FGF13: variants seen among roughly 807,000 people sequenced by gnomAD.
The protein encoded by FGF13 is fibroblast growth factor homologous factor 2.
In FGF13, 2 loss-of-function variants were observed where a neutral mutation model predicts 19.5. The ratio of observed to expected loss-of-function variants is 0.10; its 90% CI spans 0.04 to 0.32. The LOEUF (loss-of-function observed/expected upper bound fraction) is 0.32, where lower values mean the gene tolerates loss of function less well. Ranked by LOEUF, FGF13 falls within the 10% of genes least tolerant of loss-of-function variation. FGF13 has a pLI of 1.00. For missense variants in FGF13, 113 were observed against 192.7 expected (o/e 0.59, Z 2.45); for synonymous variants, 72 against 76.9 (o/e 0.94, Z 0.33).
intron 1 of FGF13, among the ~76,000 whole-genome samples, chrX:138,949,406 C>T (rs1193264042): frequency 9.0e-6 from 1 of 111,511 alleles, no homozygotes; most frequent in Admixed American, 9.6e-5. Flanking sequence ...CTTGTTGCTG[C>T]ATCACTTCAA....
intron 2 of FGF13, among the ~76,000 whole-genome samples, chrX:138,703,718 T>G (rs1046288904): frequency 8.9e-6 from 1 of 111,879 alleles, no homozygotes; most frequent in Non-Finnish European, 1.9e-5. Context: ...TAGTATTTCC[T>G]TTTTTCATTT....
chrX:138,764,830 T>G (rs1027450900), intron 3 of FGF13, among the ~76,000 whole-genome samples: 1 of 112,194 alleles, frequency 8.9e-6, no homozygotes, highest in African/African-American at 3.2e-5. Context: ...TTTAGACTTT[T>G]GTAAGGATCC....
At chrX:138,789,054 C>A in intron 3 of FGF13, among the ~76,000 whole-genome samples, 1 of 112,112 alleles carries the variant, frequency 8.9e-6, no homozygotes. Context: ...TAAAAAGGAT[C>A]ATCTTTTCTT....
At chrX:138,960,592 C>T (rs1022419611) in intron 1 of FGF13, among the ~76,000 whole-genome samples, 20 of 111,999 alleles carry the variant, frequency 1.8e-4, no homozygotes, top group Non-Finnish European at 2.8e-4. Context: ...TGGATAATAT[C>T]CTGAAGAGTG....
chrX:138,893,053 C>G (rs923306042), intron 1 of FGF13, among the ~76,000 whole-genome samples: 8 of 110,563 alleles, frequency 7.2e-5, no homozygotes, highest in Non-Finnish European at 5.7e-5. Context: ...AGGTAGCTAC[C>G]GAGGCAGCTC....
chrX:138,848,314 A>T (rs991241699), intron 3 of FGF13, among the ~76,000 whole-genome samples: 3 of 111,216 alleles, frequency 2.7e-5, no homozygotes, highest in Non-Finnish European at 5.7e-5. Context: ...CCTTTTGAAG[A>T]GGCCCATGCA....
At chrX:138,866,493 T>C (rs761288518) in intron 1 of FGF13, among the ~76,000 whole-genome samples, 1 of 112,024 alleles carries the variant, frequency 8.9e-6, no homozygotes, top group African/African-American at 3.2e-5. Context: ...TTCAAAAACC[T>C]TGGGCGATGT....
rs754211031 is a variant in FGF13, at chrX:138,769,049, G to A, written c.218-60121C>T. Among the ~76,000 whole-genome samples, 13 of 110,761 alleles carry A rather than the reference G, an allele frequency of 1.2e-4. No homozygotes were observed. The East Asian group carries it at 3.7e-3, about 31-fold the overall frequency. ...ATGAATCAGGGTTTAACATGATTCG[G>A]TTGACTGTTCTAATAACACTGTAAC... On this transcript the variant is annotated intron_variant, in intron 3 of 6. Coordinates refer to the FGF13 transcript ENST00000436198.
chrX:138,850,830 TC>T (rs1204864215), intron 3 of FGF13, among the ~76,000 whole-genome samples: 21 of 111,984 alleles, frequency 1.9e-4, no homozygotes, highest in African/African-American at 6.2e-4. Flanking sequence ...TATCAAACCA[TC>T]ACCGAAATAT....
At chrX:138,964,444 G>A (rs1201856787) in intron 1 of FGF13, among the ~76,000 whole-genome samples, 1 of 111,659 alleles carries the variant, frequency 9.0e-6, no homozygotes. Flanking sequence ...AATATCCAGA[G>A]GGGGTGATCA....
At chrX:138,762,603 GGTATTGA>G (rs2090475652) in intron 3 of FGF13, among the ~76,000 whole-genome samples, 1 of 111,386 alleles carries the variant, frequency 9.0e-6, no homozygotes, top group Non-Finnish European at 1.9e-5. Context: ...TTAAGATCTT[GGTATTGA>G]CAGTCAAATT....
intron 1 of FGF13, among the ~76,000 whole-genome samples, chrX:138,948,874 A>C (rs1475873784): frequency 8.9e-6 from 1 of 111,912 alleles, no homozygotes; most frequent in Non-Finnish European, 1.9e-5. Context: ...TCTGAACTGG[A>C]AAAAAACAGA....
At chrX:138,810,175 G>A (rs1251688708) in intron 3 of FGF13, among the ~76,000 whole-genome samples, 2 of 111,762 alleles carry the variant, frequency 1.8e-5, no homozygotes, top group African/African-American at 6.5e-5. Flanking sequence ...GAGGCATCAT[G>A]CTACCTGACT....
intron 1 of FGF13, among the ~76,000 whole-genome samples, chrX:139,147,737 G>A (rs1341073812): frequency 9.0e-6 from 1 of 110,785 alleles, no homozygotes; most frequent in Admixed American, 9.7e-5. Context: ...GGCCTGGTAT[G>A]TCTCCGTGCG....
At chrX:138,677,200 G>A (rs1353251334) in intron 3 of FGF13, among the ~76,000 whole-genome samples, 2 of 111,612 alleles carry the variant, frequency 1.8e-5, no homozygotes, top group African/African-American at 3.3e-5. Context: ...AGAAATAAAC[G>A]TTAGACCTAA....
rs1468998824 is a variant in FGF13, at chrX:138,618,976, T to C, written c.*13874A>G. On this transcript the variant is annotated 3_prime_UTR_variant, in exon 5 of 5. Transcript: ENST00000315930. ...GTCAGTATAGGCTGAAGGAGGAGAC[T>C]ACTTCTTCAAATGTGAACATGGCAA... is the stretch of plus-strand genomic sequence containing the variant. The C allele has an allele frequency of 9.0e-6, 1 of 110,663 alleles. No individual in the cohort carries two copies. Among genetic ancestry groups the C allele is most frequent in the Admixed American group, 9.7e-5 (1 of 10,328 alleles). 9.1% of individuals were successfully genotyped at this position (110,663 alleles called of 1,213,427 possible).
intron 1 of FGF13, among the ~76,000 whole-genome samples, chrX:139,066,184 G>A (rs770895142): frequency 2.7e-5 from 3 of 111,776 alleles, no homozygotes; most frequent in African/African-American, 6.5e-5. Flanking sequence ...TGTTTAGAAG[G>A]AAATTTGTAG....
At chrX:138,935,721 T>C (rs2091727977) in intron 1 of FGF13, among the ~76,000 whole-genome samples, 2 of 111,355 alleles carry the variant, frequency 1.8e-5, no homozygotes, top group African/African-American at 3.3e-5. Flanking sequence ...GGAACCTCCA[T>C]TGCAATCAAT....
intron 1 of FGF13, among the ~76,000 whole-genome samples, chrX:138,885,482 TA>T (rs1244376114): frequency 9.0e-6 from 1 of 111,489 alleles, no homozygotes; most frequent in Non-Finnish European, 1.9e-5. Flanking sequence ...AGTTACTTTG[TA>T]AACTTCTTTC....
Sources: allele counts gnomAD v4.1 joint callset (sites outside exome capture counted in the v4.1 genomes callset), GRCh38; gene constraint gnomAD v4.1.1; transcripts MANE v1.5; gene names NCBI Gene and HGNC (gene_info 2026-07-23, HGNC 2026-07-21).